Variants in C3orf20 observed in about 807,000 individuals in gnomAD.
C3orf20 encodes the protein family with sequence similarity 149 member C.
A neutral mutation model predicts 88.3 loss-of-function variants in C3orf20; 76 were observed. The ratio of observed to expected loss-of-function variants is 0.86; its 90% CI spans 0.72 to 1.04. C3orf20 has a LOEUF of 1.04. Among genes scored for constraint, C3orf20 ranks in the 50% least tolerant of loss-of-function variants. C3orf20 has a pLI of 0.00. For synonymous variants in C3orf20, 436 were observed against 437.4 expected (o/e 1.00, Z 0.04); for missense variants, 1,056 against 1,123.3 (o/e 0.94, Z 0.86).
chr3:14,713,407 AT>A (rs1488724252), intron 7 of C3orf20, among the ~76,000 whole-genome samples: 1 of 152,094 alleles, frequency 6.6e-6, no homozygotes, highest in Non-Finnish European at 1.5e-5. Flanking sequence ...TGCTTGTGAA[AT>A]TCCTGCACAC....
At chr3:14,678,459 C>G (rs576248306) in intron 1 of C3orf20, among the ~76,000 whole-genome samples, 1 of 152,208 alleles carries the variant, frequency 6.6e-6, no homozygotes, top group Non-Finnish European at 1.5e-5. Context: ...CTGTAGCCTT[C>G]TGTGTGTGTG....
chr3:14,691,192 A>G (rs1482951962), intron 5 of C3orf20, among the ~76,000 whole-genome samples: 1 of 152,230 alleles, frequency 6.6e-6, no homozygotes, highest in Non-Finnish European at 1.5e-5. Flanking sequence ...CCTTCCGGGC[A>G]CGGAGTAGCT....
chr3:14,728,292 C>G, intron 11 of C3orf20, 147 bp from the exon 12 acceptor site: 2 of 862,542 alleles, frequency 2.3e-6, no homozygotes, highest in Non-Finnish European at 3.7e-6. Flanking sequence ...TATTGGACAG[C>G]AGAGGGGAGG....
At chr3:14,762,553 G>T (rs1363305186) in intron 15 of C3orf20, among the ~76,000 whole-genome samples, 1 of 152,202 alleles carries the variant, frequency 6.6e-6, no homozygotes, top group Non-Finnish European at 1.5e-5. Flanking sequence ...GGTGACTGTG[G>T]TGAATCAGTT....
At chr3:14,704,283 C>T in intron 6 of C3orf20, 54 bp from the exon 7 acceptor site, 1 of 1,583,828 alleles carries the variant, frequency 6.3e-7, no homozygotes, top group Non-Finnish European at 8.6e-7. Flanking sequence ...AGAGAGCATC[C>T]CTGGTGCTTG....
rs772934972 is a variant in C3orf20, at chr3:14,684,336, C to T, written c.579C>T (p.Ile193=). The part of the protein sequence containing the change: ...NAKEMAFNCL[I]STAGRSGYSS... ...AGGAGATGGCCTTCAACTGCCTGAT[C>T]AGCACAGCCGGGAGAAGTGGCTACA... Residue 193 remains isoleucine (I), a synonymous_variant, in exon 4 of 17, where the codon ATC becomes ATT. Transcript: ENST00000253697. The T allele has an allele frequency of 6.2e-7, 1 of 1,614,190 alleles. No individual in the cohort carries two copies. The highest frequency in any genetic ancestry group is 2.2e-5 in the East Asian group (1 of 44,890).
At position 14,714,099 on chromosome 3, in the gene C3orf20, C is replaced by T. The variant is rs1341943231; in HGVS notation, c.1253C>T (p.Ser418Phe). 1.2e-6 allele frequency: 2 copies of T among 1,614,088 alleles called. No individual in the cohort carries two copies. The highest frequency in any genetic ancestry group is 3.3e-5 in the Admixed American group (2 of 60,016). ...TCLFNDIPGF[S>F]LLALFNTEGQ... ...CTCTTTAATGACATACCTGGATTCT[C>T]CTTGCTGGCCCTATTCAATACTGAA... is the stretch of plus-strand genomic sequence containing the variant. Residue 418 changes from serine to phenylalanine, a missense_variant, in exon 8 of 17, where the codon TCC (serine) becomes TTC (phenylalanine). Physicochemically the swap from Ser to Phe is radical, Grantham distance 155. Coordinates refer to ENST00000253697, the MANE Select transcript of C3orf20 (RefSeq NM_032137.5).
At chr3:14,755,974 A>AGCCGAGATTGC (rs1411664628) in intron 12 of C3orf20, among the ~76,000 whole-genome samples, 1 of 144,942 alleles carries the variant, frequency 6.9e-6, no homozygotes, top group Non-Finnish European at 1.5e-5. Flanking sequence ...GCTTACAGTG[A>AGCCGAGATTGC]GCCGAGATTG....
Position 14,772,686 on chromosome 3 carries a change from T to A in C3orf20, c.2631-105T>A. ...TGGAACAGCACCCAACAGCCTCACC[T>A]GTGCAAGGGAGAGGGCCTTGCCCCT... is the stretch of plus-strand genomic sequence containing the variant. On this transcript the variant is annotated intron_variant, in intron 16 of 16. Transcript: ENST00000253697. This position sits in a 1 kb window ranked among gnomAD's most constrained non-coding sequence, Gnocchi z 4.2. 1 of 843,632 alleles carries A rather than the reference T, an allele frequency of 1.2e-6. No homozygotes were observed. The allele number at this position is 843,632 out of a possible 1,614,324, so 52.3% of individuals were successfully genotyped here. A position where few individuals can be genotyped will look rare whatever the true frequency, so the allele number is the denominator to read the frequency against.
chr3:14,693,600 T>C (rs529499399), intron 5 of C3orf20, among the ~76,000 whole-genome samples: 2 of 152,340 alleles, frequency 1.3e-5, no homozygotes, highest in South Asian at 4.1e-4. Context: ...GTGGAGTCTT[T>C]AGGTTTTTCC....
intron 12 of C3orf20, among the ~76,000 whole-genome samples, chr3:14,742,666 T>C (rs1559434745): frequency 6.6e-6 from 1 of 152,192 alleles, no homozygotes; most frequent in African/African-American, 2.4e-5. Flanking sequence ...TTAGTTCATT[T>C]TCATGCTGCT....
Position 14,772,250 on chromosome 3 carries a change from A to C in C3orf20, c.2630+49A>C. On this transcript the variant is annotated intron_variant, in intron 16 of 16. Transcript: ENST00000253697. This position sits in a 1 kb window ranked among gnomAD's most constrained non-coding sequence, Gnocchi z 4.2. ...GAATGGGCGTGGCTCACAGCAGGCC[A>C]CCTCGGGGCTATTTGGCCTTGGGCA... The C allele has an allele frequency of 6.2e-7, 1 of 1,612,830 alleles. No homozygotes were observed. Among genetic ancestry groups the C allele is most frequent in the Non-Finnish European group, 8.5e-7 (1 of 1,179,238 alleles).
rs560354038 is a variant in C3orf20 at position 14,764,504 on chromosome 3, A to G, written c.2495+2889A>G. Among the ~76,000 whole-genome samples the G allele has an allele frequency of 7.1e-4, 106 of 149,018 alleles. 1 individual carries two copies. Among genetic ancestry groups the G allele is most frequent in the African/African-American group, 2.6e-3 (100 of 38,976 alleles). ...GTTTATTATTATTATTATTATTATT[A>G]TTATTGTTGTTGTTGTTGTTGTTGT... is the stretch of plus-strand genomic sequence containing the variant. On this transcript the variant is annotated intron_variant, in intron 15 of 16. Coordinates refer to ENST00000253697, the MANE Select transcript of C3orf20 (RefSeq NM_032137.5).
chr3:14,745,844 A>G (rs2035043853), intron 12 of C3orf20, among the ~76,000 whole-genome samples: 2 of 152,214 alleles, frequency 1.3e-5, no homozygotes, highest in South Asian at 2.1e-4. Flanking sequence ...TACATAATAT[A>G]AAATTGACCA....
At chr3:14,741,083 A>G (rs1396926549) in intron 12 of C3orf20, among the ~76,000 whole-genome samples, 1 of 152,204 alleles carries the variant, frequency 6.6e-6, no homozygotes. Context: ...GGATGATATC[A>G]TGTTCCTCTG....
intron 12 of C3orf20, among the ~76,000 whole-genome samples, chr3:14,744,836 C>T (rs1376367387): frequency 2.0e-5 from 3 of 152,174 alleles, no homozygotes; most frequent in Non-Finnish European, 4.4e-5. Context: ...ATTACCTCCC[C>T]ACTGGGTCCC....
chr3:14,760,235 C>A (rs76226780), intron 14 of C3orf20, among the ~76,000 whole-genome samples: 4,689 of 152,332 alleles, frequency 0.031, 240 homozygotes, highest in African/African-American at 0.1. Flanking sequence ...CAGGAGACTG[C>A]AGGGACAGGT....
At position 14,690,082 on chromosome 3, in the gene C3orf20, T is replaced by A; in HGVS notation, c.711T>A (p.Ser237=). 1 of 1,614,226 alleles carries A rather than the reference T, an allele frequency of 6.2e-7. No homozygotes were observed. The highest frequency in any genetic ancestry group is 8.5e-7 in the Non-Finnish European group (1 of 1,180,034). The change falls in exon 5 of 17, where the codon TCT becomes TCA. Residue 237 remains serine, a synonymous_variant. Coordinates refer to ENST00000253697, the MANE Select transcript of C3orf20 (RefSeq NM_032137.5). ...YHSSTACLSF[S]LSAGKEAKKK... ...CTTCCACAGCCTGTCTGAGCTTTTC[T>A]CTCTCTGCTGGAAAAGAAGCCAAGA...
At chr3:14,722,010 A>G (rs2034182032) in intron 10 of C3orf20, 2 of 532,220 alleles carry the variant, frequency 3.8e-6, no homozygotes, top group South Asian at 5.0e-5. Flanking sequence ...TCCAGTGTGG[A>G]CTAGCTTAAG....
Sources: allele counts gnomAD v4.1 joint callset (sites outside exome capture counted in the v4.1 genomes callset), GRCh38; gene constraint gnomAD v4.1.1; non-coding constraint Gnocchi (gnomAD v3.1); transcripts MANE v1.5; gene names NCBI Gene and HGNC (gene_info 2026-07-23, HGNC 2026-07-21).